Variants in DDX60L observed in about 807,000 individuals in gnomAD.
DDX60L encodes probable ATP-dependent RNA helicase DDX60-like.
In DDX60L, 191 loss-of-function variants were observed where a neutral mutation model predicts 211.6. The ratio of observed to expected loss-of-function variants is 0.90; its 90% CI spans 0.80 to 1.02. DDX60L has a LOEUF of 1.02. Ranked by LOEUF, DDX60L falls within the 50% of genes least tolerant of loss-of-function variation. The pLI is 0.00. For missense variants in DDX60L, 2,007 were observed against 1,984.1 expected, an observed-to-expected ratio of 1.01 and a Z score of -0.22; for synonymous variants, 706 against 694.1, an observed-to-expected ratio of 1.02 and a Z score of -0.27.
At chr4:168,404,568 A>G (rs991153990) in intron 24 of DDX60L, among the ~76,000 whole-genome samples, 1 of 152,180 alleles carries the variant, frequency 6.6e-6, no homozygotes, top group African/African-American at 2.4e-5. Flanking sequence ...TAGTATACAG[A>G]CATGTTTATA....
At position 168,384,237 on chromosome 4, in the gene DDX60L, C is replaced by A. The variant is rs74494019; in HGVS notation, c.4116+375G>T. ...CTATCCTATTAGTTCTGTCACTCTA[C>A]AGAACCCTAATACAGTGGGTGGATT... On this transcript the variant is annotated intron_variant, in intron 30 of 37. Transcript: ENST00000682922. 8.9e-3 allele frequency among the ~76,000 whole-genome samples: 1,355 copies of A among 152,230 alleles called. 19 individuals carry two copies. Among genetic ancestry groups the A allele is most frequent in the African/African-American group, 0.031 (1,270 of 41,536 alleles).
intron 28 of DDX60L, among the ~76,000 whole-genome samples, chr4:168,392,308 T>G (rs973536198): frequency 6.6e-6 from 1 of 152,220 alleles, no homozygotes; most frequent in Non-Finnish European, 1.5e-5. Context: ...CAATCACCTA[T>G]GTAATGCTAG....
In DDX60L at chr4:168,415,514, A is replaced by G. The variant is rs1316996359; in HGVS notation, c.2873T>C (p.Leu958Pro). ...KNQSYEVRLV[L>P]CGERYNDLEK... ...TAAATCATTGTATCTCTCTCCACAG[A>G]GCACTAGATACGAAGAGCAAGAATA... The change falls in exon 22 of 38, where the codon CTC becomes CCC. Residue 958 changes from leucine to proline, a missense_variant. Coordinates refer to ENST00000682922, the MANE Select transcript of DDX60L (RefSeq NM_001012967.3). The G allele has an allele frequency of 6.4e-7, 1 of 1,559,020 alleles. No homozygotes were observed. The highest frequency in any genetic ancestry group is 8.8e-7 in the Non-Finnish European group (1 of 1,137,222).
intron 7 of DDX60L, among the ~76,000 whole-genome samples, chr4:168,453,766 T>C (rs555443479): frequency 6.6e-6 from 1 of 152,226 alleles, no homozygotes; most frequent in East Asian, 1.9e-4. Context: ...ATATAAAAGG[T>C]TGTCATATGG....
At chr4:168,419,925 T>C (rs753233927) in intron 18 of DDX60L, among the ~76,000 whole-genome samples, 22 of 152,184 alleles carry the variant, frequency 1.4e-4, no homozygotes, top group African/African-American at 2.7e-4. Context: ...TCACAAGACC[T>C]AGCAATTTTG....
rs190463988 is a variant in DDX60L at position 168,458,841 on chromosome 4, G to C, written c.607-833C>G. ...AATTAATTTTTTTAGTGAGACATTT[G>C]AATTCTACATTTGTTATAAGGTATA... On this transcript the variant is annotated intron_variant, in intron 5 of 37. Transcript: ENST00000682922. Among the ~76,000 whole-genome samples, 715 of 152,230 alleles carry C rather than the reference G, an allele frequency of 4.7e-3. 2 individuals are homozygous for C. The highest frequency in any genetic ancestry group is 7.2e-3 in the Non-Finnish European group (492 of 68,010).
chr4:168,411,181 TC>T (rs1748615719), intron 22 of DDX60L, among the ~76,000 whole-genome samples: 1 of 152,220 alleles, frequency 6.6e-6, no homozygotes, highest in Non-Finnish European at 1.5e-5. Context: ...AATAGAAGCC[TC>T]CTGTGAGAAT....
At chr4:168,411,202 C>A (rs1299693848) in intron 22 of DDX60L, among the ~76,000 whole-genome samples, 2 of 152,198 alleles carry the variant, frequency 1.3e-5, no homozygotes, top group Non-Finnish European at 2.9e-5. Context: ...TCAGCCCCTA[C>A]AGGAACTCCA....
chr4:168,385,972 T>G (rs374485936), intron 29 of DDX60L, among the ~76,000 whole-genome samples: 22 of 149,484 alleles, frequency 1.5e-4, no homozygotes, highest in African/African-American at 5.2e-4. Flanking sequence ...GAGGGAGTGA[T>G]AGAGGGATAG....
intron 35 of DDX60L, 124 bp downstream of exon 35, chr4:168,373,542 A>G (rs1169998429): frequency 1.5e-5 from 15 of 970,838 alleles, no homozygotes; most frequent in African/African-American, 3.3e-5. Context: ...CTCTTAGACA[A>G]TGATGCTCAT....
intron 30 of DDX60L, among the ~76,000 whole-genome samples, chr4:168,384,378 T>G (rs1284672186): frequency 2.6e-5 from 4 of 152,082 alleles, no homozygotes; most frequent in Admixed American, 2.6e-4. Flanking sequence ...TCCCAGCTAC[T>G]TGGGATGCTG....
intron 22 of DDX60L, among the ~76,000 whole-genome samples, chr4:168,414,243 G>A (rs1749149462): frequency 6.6e-6 from 1 of 152,122 alleles, no homozygotes; most frequent in South Asian, 2.1e-4. Flanking sequence ...CAGTGGGAAA[G>A]AAAAGGATGT....
intron 12 of DDX60L, among the ~76,000 whole-genome samples, chr4:168,430,968 C>A (rs1166380030): frequency 3.3e-5 from 5 of 152,124 alleles, no homozygotes; most frequent in Admixed American, 3.3e-4. Flanking sequence ...CTGATGAGTA[C>A]ATTTTTTAAA....
rs1738300032 is a variant in DDX60L, at chr4:168,356,992, A to C, written c.*1155T>G. ...TTTTCTCCTTCAGAGTACCGTATTC[A>C]TTTATCACAGCAAAAACGCACCTTT... On this transcript the variant is annotated 3_prime_UTR_variant, in exon 38 of 38. Coordinates refer to ENST00000682922, the MANE Select transcript of DDX60L (RefSeq NM_001012967.3). 6.6e-6 allele frequency: 1 copy of C among 152,144 alleles called. No homozygotes were observed. The highest frequency in any genetic ancestry group is 1.5e-5 in the Non-Finnish European group (1 of 68,022). 9.4% of individuals were successfully genotyped at this position (152,144 alleles called of 1,614,324 possible).
At chr4:168,465,204 A>C (rs909413628) in intron 4 of DDX60L, among the ~76,000 whole-genome samples, 1 of 151,346 alleles carries the variant, frequency 6.6e-6, no homozygotes, top group African/African-American at 2.4e-5. Context: ...GTGAGATGCT[A>C]TCTTATTATG....
At chr4:168,448,816 C>T (rs1389012250) in intron 8 of DDX60L, 37 bp from the exon 9 acceptor site, 2 of 1,575,982 alleles carry the variant, frequency 1.3e-6, no homozygotes, top group Non-Finnish European at 1.7e-6. Flanking sequence ...AGCAGGGAGG[C>T]ATGGAATAAT....
chr4:168,398,441 T>C (rs1746206591), intron 26 of DDX60L, among the ~76,000 whole-genome samples: 2 of 152,192 alleles, frequency 1.3e-5, no homozygotes, highest in South Asian at 4.1e-4. Flanking sequence ...AGCTCGGCAC[T>C]GGCCTGCAGG....
intron 29 of DDX60L, among the ~76,000 whole-genome samples, chr4:168,386,575 G>A (rs1489334731): frequency 5.6e-5 from 8 of 142,688 alleles, no homozygotes; most frequent in Non-Finnish European, 7.6e-5. Context: ...ATATGATGTT[G>A]AAAAAAAAAA....
At chr4:168,436,667 T>C (rs1196339313) in intron 10 of DDX60L, among the ~76,000 whole-genome samples, 1 of 152,204 alleles carries the variant, frequency 6.6e-6, no homozygotes, top group Non-Finnish European at 1.5e-5. Flanking sequence ...AATTCAGGAT[T>C]CCAGGGATAG....
Sources: gnomAD v4.1 joint callset for allele counts (sites outside exome capture counted in the v4.1 genomes callset) on GRCh38, gnomAD v4.1.1 for gene constraint, MANE v1.5 for transcripts, NCBI Gene and HGNC (gene_info 2026-07-23, HGNC 2026-07-21) for gene names.